The following KIAA1217 variants were observed in gnomAD, a reference collection of about 807,000 sequenced individuals.
The protein encoded by KIAA1217 is sickle tail protein homolog.
KIAA1217 carries 88 observed loss-of-function variants against 163.9 expected under a neutral mutation model. That is an observed-to-expected ratio of 0.54 (90% CI 0.45 to 0.64). The LOEUF (loss-of-function observed/expected upper bound fraction) is 0.64. KIAA1217 is among the 30% of genes least tolerant of loss of function. The pLI is 0.00. For missense variants in KIAA1217, 2,372 were observed against 2,475.0 expected (o/e 0.96, Z 0.88); for synonymous variants, 903 against 923.1 (o/e 0.98, Z 0.39).
intron 8 of KIAA1217, among the ~76,000 whole-genome samples, chr10:24,499,153 A>G (rs2067191545): frequency 6.6e-6 from 1 of 152,090 alleles, no homozygotes; most frequent in Admixed American, 6.5e-5. Flanking sequence ...CTGTCTGGGG[A>G]ATGATGATAA....
At chr10:23,959,327 C>T (rs1325560471) in intron 1 of KIAA1217, among the ~76,000 whole-genome samples, 5 of 151,978 alleles carry the variant, frequency 3.3e-5, no homozygotes, top group Admixed American at 1.3e-4. Flanking sequence ...GCTAGGAGTT[C>T]GAGACCAGCC....
rs142401771 is a variant in KIAA1217 at position 24,246,839 on chromosome 10, C to T, written c.354+26930C>T. ...GACCAGCCTGGCCAACATGGCGAAA[C>T]CCGATCTCTACTAAAAATATAAAAA... On this transcript the variant is annotated intron_variant, in intron 2 of 20. Transcript: ENST00000376454. 6.5e-4 allele frequency among the ~76,000 whole-genome samples: 99 copies of T among 152,108 alleles called. No homozygotes were observed. In the East Asian group the frequency reaches 0.017, roughly 26 times the overall value.
chr10:24,130,581 G>C (rs1352336752), intron 2 of KIAA1217, among the ~76,000 whole-genome samples: 1 of 152,162 alleles, frequency 6.6e-6, no homozygotes, highest in Non-Finnish European at 1.5e-5. Flanking sequence ...AGAGTACTAT[G>C]GAGTTCCTGC....
chr10:24,170,508 G>A (rs1464795929), intron 2 of KIAA1217, among the ~76,000 whole-genome samples: 3 of 152,148 alleles, frequency 2.0e-5, no homozygotes, highest in Non-Finnish European at 2.9e-5. Context: ...CACTGTCTGA[G>A]GGGAGGCTCT....
chr10:24,126,233 A>ATTGT (rs1158535020), intron 2 of KIAA1217, among the ~76,000 whole-genome samples: 1 of 152,112 alleles, frequency 6.6e-6, no homozygotes, highest in African/African-American at 2.4e-5. Flanking sequence ...TGCATTCTAA[A>ATTGT]TTGTTTCCTT....
chr10:24,422,349 A>T (rs1039658375), intron 3 of KIAA1217, among the ~76,000 whole-genome samples: 1 of 152,210 alleles, frequency 6.6e-6, no homozygotes, highest in Non-Finnish European at 1.5e-5. Context: ...ATAATATTTG[A>T]TTTAAACCAC....
intron 2 of KIAA1217, 124 bp from the exon 3 acceptor site, chr10:24,380,745 C>T (rs561301696): frequency 9.5e-6 from 6 of 634,380 alleles, no homozygotes; most frequent in South Asian, 4.6e-5. Flanking sequence ...CTATCTAACC[C>T]TTGTGATGGA....
chr10:24,081,656 A>C (rs889659254), intron 2 of KIAA1217, among the ~76,000 whole-genome samples: 3 of 152,178 alleles, frequency 2.0e-5, no homozygotes, highest in Non-Finnish European at 2.9e-5. Context: ...CACATTGGAA[A>C]AAGAAGAATT....
chr10:24,234,069 T>A (rs1244075746), intron 2 of KIAA1217, among the ~76,000 whole-genome samples: 1 of 152,184 alleles, frequency 6.6e-6, no homozygotes, highest in Non-Finnish European at 1.5e-5. Context: ...GTATGCCTTA[T>A]CATTCATTTT....
chr10:24,105,671 G>A (rs2062597987), intron 2 of KIAA1217, among the ~76,000 whole-genome samples: 2 of 152,196 alleles, frequency 1.3e-5, no homozygotes, highest in African/African-American at 4.8e-5. Flanking sequence ...TTCCTTCTGA[G>A]CAGAATAGTT....
chr10:23,733,812 A>C (rs1190687769), intron 1 of KIAA1217, among the ~76,000 whole-genome samples: 1 of 152,146 alleles, frequency 6.6e-6, no homozygotes, highest in Non-Finnish European at 1.5e-5. Context: ...ATTTGCAGTA[A>C]CTTACTGCTT....
At chr10:23,980,950 A>G (rs1845740133) in intron 1 of KIAA1217, among the ~76,000 whole-genome samples, 1 of 152,168 alleles carries the variant, frequency 6.6e-6, no homozygotes, top group African/African-American at 2.4e-5. Context: ...TTACTCTGAA[A>G]TCTATGGAGT....
intron 2 of KIAA1217, among the ~76,000 whole-genome samples, chr10:24,017,992 C>T (rs183579044): frequency 1.1e-4 from 17 of 152,210 alleles, no homozygotes; most frequent in Admixed American, 1.1e-3. Flanking sequence ...AACCACAACT[C>T]TACCAGGTTA....
intron 2 of KIAA1217, among the ~76,000 whole-genome samples, chr10:24,007,772 C>T (rs1468842595): frequency 1.3e-5 from 2 of 152,138 alleles, no homozygotes; most frequent in Admixed American, 1.3e-4. Context: ...TACCTGATGA[C>T]TGCCTGTGTC....
intron 1 of KIAA1217, among the ~76,000 whole-genome samples, chr10:23,865,430 A>G (rs1439911814): frequency 6.6e-6 from 1 of 151,960 alleles, no homozygotes; most frequent in African/African-American, 2.4e-5. Context: ...TTTTCCATTT[A>G]TTTCTATTGT....
intron 2 of KIAA1217, among the ~76,000 whole-genome samples, chr10:24,362,259 G>A (rs1315675560): frequency 6.6e-6 from 1 of 152,142 alleles, no homozygotes; most frequent in African/African-American, 2.4e-5. Flanking sequence ...TGGGGCTTAA[G>A]GAAATTAAAG....
At chr10:24,393,052 G>A (rs546931580) in intron 3 of KIAA1217, among the ~76,000 whole-genome samples, 107 of 151,886 alleles carry the variant, frequency 7.0e-4, no homozygotes, top group Middle Eastern at 6.8e-3. Flanking sequence ...TTTTAGCACC[G>A]GCTTTTAAAG....
intron 9 of KIAA1217, among the ~76,000 whole-genome samples, chr10:24,508,418 A>G (rs1429090396): frequency 6.6e-6 from 1 of 152,220 alleles, no homozygotes; most frequent in Non-Finnish European, 1.5e-5. Context: ...CACATTCCCC[A>G]TAAAATCAGG....
intron 1 of KIAA1217, among the ~76,000 whole-genome samples, chr10:23,853,178 G>A (rs1484187025): frequency 1.3e-5 from 2 of 152,124 alleles, no homozygotes; most frequent in Admixed American, 6.5e-5. Flanking sequence ...ATTATTTTGA[G>A]ATACGTCCCA....
Sources: allele counts gnomAD v4.1 joint callset (sites outside exome capture counted in the v4.1 genomes callset), GRCh38; gene constraint gnomAD v4.1.1; transcripts MANE v1.5; gene names NCBI Gene and HGNC (gene_info 2026-07-23, HGNC 2026-07-21).